Variants in ZNF143 observed in about 807,000 individuals in gnomAD.
ZNF143 encodes the protein zinc finger protein 143.
ZNF143 carries 49 observed loss-of-function variants against 74.1 expected under a neutral mutation model. The ratio of observed to expected loss-of-function variants is 0.66; its 90% CI spans 0.53 to 0.84. ZNF143 has a LOEUF of 0.84. Ranked by LOEUF, ZNF143 falls within the 40% of genes least tolerant of loss-of-function variation. ZNF143 has a pLI of 0.00. For synonymous variants in ZNF143, 304 were observed against 282.8 expected (o/e 1.07, Z -0.75); for missense variants, 637 against 793.4 (o/e 0.80, Z 2.37).
rs139950912 is a variant in ZNF143 at position 9,470,256 on chromosome 11, A to G, written c.-7-1046A>G. ...CCTATTGTACTTCTACTATGGGCCAAGCACTTTCTAGGCACTAGAGTCAGC... is the reference window on the plus strand; with the variant it reads ...CCTATTGTACTTCTACTATGGGCCAGGCACTTTCTAGGCACTAGAGTCAGC... On this transcript the variant is annotated intron_variant, in intron 1 of 15. Coordinates refer to ENST00000396602, the MANE Select transcript of ZNF143 (RefSeq NM_003442.6). Among the ~76,000 whole-genome samples the G allele has an allele frequency of 5.3e-5, 8 of 152,348 alleles. No individual in the cohort carries two copies. The East Asian group carries it at 1.5e-3, about 29-fold the overall frequency.
chr11:9,493,360 G>C (rs755276402), intron 7 of ZNF143, among the ~76,000 whole-genome samples: 1 of 152,132 alleles, frequency 6.6e-6, no homozygotes, highest in Admixed American at 6.5e-5. Context: ...GTGAGCCACT[G>C]CGCCTGGCCT....
chr11:9,496,332 G>T lies in ZNF143; in HGVS notation c.795G>T (p.Arg265=). ...ATGAGAGGTCACACACAGGAGATCG[G>T]CCTTATCAGTGTGAGCATGCAGGCT... is the stretch of plus-strand genomic sequence containing the variant. ...KVHERSHTGD[R]PYQCEHAGCG... The change falls in exon 9 of 16, where the codon CGG becomes CGT. Residue 265 remains arginine (R), a synonymous_variant. Transcript: ENST00000396602. The T allele has an allele frequency of 6.2e-7, 1 of 1,614,176 alleles. No homozygotes were observed. Among genetic ancestry groups the T allele is most frequent in the South Asian group, 1.1e-5 (1 of 91,082 alleles).
intron 15 of ZNF143, 69 bp downstream of exon 15, chr11:9,525,455 T>C: frequency 6.3e-7 from 1 of 1,589,882 alleles, no homozygotes; most frequent in Non-Finnish European, 8.6e-7. Flanking sequence ...TTGTACACTG[T>C]GCTTCGTGTA....
At chr11:9,492,141 T>A (rs1308636346) in intron 7 of ZNF143, among the ~76,000 whole-genome samples, 1 of 146,446 alleles carries the variant, frequency 6.8e-6, no homozygotes, top group Non-Finnish European at 1.5e-5. Context: ...GACGGAGTCT[T>A]GCTCTGTTTC....
At chr11:9,494,571 C>T (rs867259689) in intron 7 of ZNF143, 75 bp from the exon 8 acceptor site, 2 of 1,470,472 alleles carry the variant, frequency 1.4e-6, no homozygotes, top group Middle Eastern at 2.1e-4. Flanking sequence ...TCTGCCTCCC[C>T]ATGTGCTAAG....
intron 8 of ZNF143, among the ~76,000 whole-genome samples, chr11:9,495,100 T>A (rs1377638129): frequency 6.6e-6 from 1 of 152,214 alleles, no homozygotes; most frequent in African/African-American, 2.4e-5. Context: ...CACACATCTC[T>A]GTTAATTCAC....
chr11:9,495,525 TAGCTA>T (rs1448613834), intron 8 of ZNF143, among the ~76,000 whole-genome samples: 4 of 152,216 alleles, frequency 2.6e-5, no homozygotes, highest in Non-Finnish European at 5.9e-5. Context: ...GACTCAATAA[TAGCTA>T]AGATTTGTTA....
chr11:9,473,771 C>G (rs1402066288), intron 3 of ZNF143, 170 bp from the exon 4 acceptor site: 1 of 1,533,862 alleles, frequency 6.5e-7, no homozygotes, highest in East Asian at 2.5e-5. Flanking sequence ...TTTCTGCTTT[C>G]TGTAGGATCA....
intron 9 of ZNF143, among the ~76,000 whole-genome samples, chr11:9,497,120 A>G (rs1363233190): frequency 3.3e-5 from 5 of 152,254 alleles, no homozygotes; most frequent in African/African-American, 1.2e-4. Flanking sequence ...GGGTATGAGA[A>G]CAACTGATAA....
At position 9,513,193 on chromosome 11, in the gene ZNF143, G is replaced by C. The variant is rs184687427; in HGVS notation, c.1524+597G>C. Among the ~76,000 whole-genome samples, 21 of 152,250 alleles carry C rather than the reference G, an allele frequency of 1.4e-4. No individual in the cohort carries two copies. In the East Asian group the frequency reaches 4.1e-3, roughly 29 times the overall value. On this transcript the variant is annotated intron_variant, in intron 13 of 15. Transcript: ENST00000396602. ...TCTAGCAAAGACTGTCTTAATACCT[G>C]GTGGAAATATGCACAATGTGCTTCT...
At chr11:9,521,809 T>C (rs1005626957) in intron 14 of ZNF143, among the ~76,000 whole-genome samples, 1 of 152,192 alleles carries the variant, frequency 6.6e-6, no homozygotes, top group Non-Finnish European at 1.5e-5. Flanking sequence ...CTCATGCCTG[T>C]AATCCCAGCA....
intron 12 of ZNF143, among the ~76,000 whole-genome samples, chr11:9,510,711 A>G (rs1363740569): frequency 2.0e-5 from 3 of 151,850 alleles, no homozygotes; most frequent in Non-Finnish European, 4.4e-5. Context: ...AGATTAGCAT[A>G]TTATGTCCTT....
chr11:9,472,809 A>T (rs1469177335), intron 3 of ZNF143, 40 bp downstream of exon 3: 2 of 1,449,126 alleles, frequency 1.4e-6, no homozygotes, highest in African/African-American at 2.9e-5. Context: ...AATACCAGTG[A>T]TTTATAACCT....
chr11:9,487,124 G>C (rs1385066899), intron 7 of ZNF143, among the ~76,000 whole-genome samples: 1 of 150,326 alleles, frequency 6.7e-6, no homozygotes, highest in Non-Finnish European at 1.5e-5. Context: ...CTGCTACCAC[G>C]CCTGGCTAAT....
At chr11:9,507,774 T>A (rs565142815) in intron 11 of ZNF143, among the ~76,000 whole-genome samples, 2 of 152,334 alleles carry the variant, frequency 1.3e-5, no homozygotes, top group African/African-American at 4.8e-5. Context: ...ACATATTTTT[T>A]AAACTGGGAC....
At chr11:9,501,697 G>A (rs1565052336) in intron 11 of ZNF143, among the ~76,000 whole-genome samples, 1 of 152,038 alleles carries the variant, frequency 6.6e-6, no homozygotes, top group Non-Finnish European at 1.5e-5. Context: ...AAGAGAGAAG[G>A]GTATTCCTGG....
intron 13 of ZNF143, among the ~76,000 whole-genome samples, chr11:9,514,798 T>C (rs930442301): frequency 6.6e-6 from 1 of 152,096 alleles, no homozygotes; most frequent in African/African-American, 2.4e-5. Flanking sequence ...CTGGGGAAGT[T>C]GGTAAAGGCC....
intron 7 of ZNF143, among the ~76,000 whole-genome samples, chr11:9,483,413 C>T (rs1287843852): frequency 6.9e-6 from 1 of 145,968 alleles, no homozygotes; most frequent in African/African-American, 2.6e-5. Context: ...TTCTCCTGCT[C>T]AGCCTCCCGA....
chr11:9,501,925 CTTTTTTTTTTTTTTTTT>C (rs57169874), intron 11 of ZNF143, among the ~76,000 whole-genome samples: 1 of 37,440 alleles, frequency 2.7e-5, no homozygotes, highest in African/African-American at 1.1e-4. Flanking sequence ...TGGATATATT[CTTTTTTTTTTTTTTTTT>C]TTTTTTTTTT....
Sources: gnomAD v4.1 joint callset for allele counts (sites outside exome capture counted in the v4.1 genomes callset) on GRCh38, gnomAD v4.1.1 for gene constraint, MANE v1.5 for transcripts, NCBI Gene and HGNC (gene_info 2026-07-23, HGNC 2026-07-21) for gene names.